The following SKAP2 variants were observed in gnomAD, a reference collection of about 807,000 sequenced individuals.
The protein encoded by SKAP2 is src kinase-associated phosphoprotein 2.
In SKAP2, 28 loss-of-function variants were observed where a neutral mutation model predicts 54.9. The observed-to-expected ratio is 0.51, with a 90% CI of 0.38 to 0.70. The LOEUF is 0.70. SKAP2 is among the 30% of genes least tolerant of loss of function. The pLI is 0.00. For missense variants in SKAP2, 356 were observed against 424.1 expected, an observed-to-expected ratio of 0.84 and a Z score of 1.41; for synonymous variants, 137 against 134.3, an observed-to-expected ratio of 1.02 and a Z score of -0.14.
At chr7:26,740,084 C>G in intron 4 of SKAP2, 120 bp from the exon 5 acceptor site, 1 of 555,260 alleles carries the variant, frequency 1.8e-6, no homozygotes, top group South Asian at 2.3e-5. Context: ...AAATCTAAGT[C>G]TATTAGCTTT....
At chr7:26,711,360 T>C (rs1787299531) in intron 9 of SKAP2, among the ~76,000 whole-genome samples, 1 of 152,208 alleles carries the variant, frequency 6.6e-6, no homozygotes, top group Admixed American at 6.5e-5. Flanking sequence ...GGGCTATTTA[T>C]TGATCATCTG....
At chr7:26,659,049 G>A in the SKAP2 span, among the ~76,000 whole-genome samples, 3 of 152,048 alleles carry the variant, frequency 2.0e-5, no homozygotes, top group African/African-American at 4.8e-5. Context: ...TTGGTGGGGC[G>A]GGGGCTTATT....
intron 4 of SKAP2, among the ~76,000 whole-genome samples, chr7:26,745,776 A>C (rs533746817): frequency 6.6e-6 from 1 of 152,334 alleles, no homozygotes; most frequent in Non-Finnish European, 1.5e-5. Context: ...TGGCCTCCCA[A>C]AGTGCTGGTA....
chr7:26,858,966 C>T (rs770580884), intron 1 of SKAP2, among the ~76,000 whole-genome samples: 5 of 152,140 alleles, frequency 3.3e-5, no homozygotes, highest in Non-Finnish European at 5.9e-5. Flanking sequence ...CCTAGTCCTC[C>T]AACCACCCAA....
In SKAP2 at chr7:26,773,498, G is replaced by A. The variant is rs962781953; in HGVS notation, c.308-33534C>T. Reference sequence around the variant, plus strand: ...TCAACAAATGCCAGTTTAATAAAGCGATTCTACAACTGGATAGCAGGATAA... The same window carrying A: ...TCAACAAATGCCAGTTTAATAAAGCAATTCTACAACTGGATAGCAGGATAA... On this transcript the variant is annotated intron_variant, in intron 4 of 12. Transcript: ENST00000345317. 7.2e-5 allele frequency among the ~76,000 whole-genome samples: 11 copies of A among 152,268 alleles called. No individual in the cohort carries two copies. In the South Asian group the frequency reaches 1.0e-3, roughly 14 times the overall value.
At chr7:26,812,445 A>C (rs908907591) in intron 4 of SKAP2, among the ~76,000 whole-genome samples, 3 of 152,110 alleles carry the variant, frequency 2.0e-5, no homozygotes, top group Non-Finnish European at 2.9e-5. Flanking sequence ...GGAAATTCTC[A>C]TATCTGTTCT....
chr7:26,723,616 T>C (rs910470262), intron 9 of SKAP2, among the ~76,000 whole-genome samples: 1 of 152,172 alleles, frequency 6.6e-6, no homozygotes, highest in African/African-American at 2.4e-5. Flanking sequence ...AGATGTTTCA[T>C]ATTTTTAAAA....
chr7:26,701,078 A>C, intron 9 of SKAP2, among the ~76,000 whole-genome samples: 1 of 152,076 alleles, frequency 6.6e-6, no homozygotes, highest in East Asian at 1.9e-4. Context: ...ACATTCCTCT[A>C]CTGTCCACTT....
chr7:26,751,107 T>C (rs1223981412), intron 4 of SKAP2, among the ~76,000 whole-genome samples: 1 of 152,200 alleles, frequency 6.6e-6, no homozygotes, highest in African/African-American at 2.4e-5. Context: ...ATCTTAAGTA[T>C]CTGAAATAGG....
chr7:26,832,929 T>C (rs913268969), intron 4 of SKAP2, among the ~76,000 whole-genome samples: 12 of 152,128 alleles, frequency 7.9e-5, no homozygotes, highest in Admixed American at 2.0e-4. Flanking sequence ...GGGTCCATCC[T>C]CAAAAGCAGC....
chr7:26,766,457 C>G (rs1783058632), intron 4 of SKAP2, among the ~76,000 whole-genome samples: 1 of 152,158 alleles, frequency 6.6e-6, no homozygotes, highest in Non-Finnish European at 1.5e-5. Context: ...TTTGAATACC[C>G]TTTATTTCTT....
chr7:26,657,504 T>G, the SKAP2 span, among the ~76,000 whole-genome samples: 2 of 152,174 alleles, frequency 1.3e-5, no homozygotes, highest in African/African-American at 2.4e-5. Context: ...GGCAAAGATG[T>G]AATTTAGCAA....
At position 26,808,043 on chromosome 7, in the gene SKAP2, G is replaced by A. The variant is rs918839917; in HGVS notation, c.307+35987C>T. On this transcript the variant is annotated intron_variant, in intron 4 of 12. Coordinates refer to ENST00000345317, the MANE Select transcript of SKAP2 (RefSeq NM_003930.5). ...TTGCAATATTCATTTTATTGCAGTG[G>A]TCTGAAACCAAACCCACAATATCTC... 2.0e-5 allele frequency among the ~76,000 whole-genome samples: 3 copies of A among 152,028 alleles called. No individual in the cohort carries two copies. The East Asian group carries it at 5.8e-4, about 29-fold the overall frequency.
In SKAP2 at chr7:26,786,839, T is replaced by G. The variant is rs148006773; in HGVS notation, c.308-46875A>C. The stretch of plus-strand genomic sequence containing the variant: ...TTATTCTACCTATAAAATTGCCCAG[T>G]TTTTTTTAAGGTTAACTTAACTCTC... On this transcript the variant is annotated intron_variant, in intron 4 of 12. Coordinates refer to ENST00000345317, the MANE Select transcript of SKAP2 (RefSeq NM_003930.5). Among the ~76,000 whole-genome samples, 443 of 152,060 alleles carry G rather than the reference T, an allele frequency of 2.9e-3. 1 individual carries two copies. The highest frequency in any genetic ancestry group is 0.01 in the African/African-American group (415 of 41,478).
chr7:26,708,984 A>C (rs1010046345), intron 9 of SKAP2, among the ~76,000 whole-genome samples: 2 of 152,182 alleles, frequency 1.3e-5, no homozygotes, highest in African/African-American at 4.8e-5. Context: ...TTGATTTATT[A>C]GAATATTAGA....
intron 11 of SKAP2, among the ~76,000 whole-genome samples, chr7:26,681,388 G>A (rs1462481709): frequency 6.6e-6 from 1 of 152,200 alleles, no homozygotes; most frequent in East Asian, 1.9e-4. Flanking sequence ...CGGTTGCGGT[G>A]AGCCGAGATC....
intron 3 of SKAP2, among the ~76,000 whole-genome samples, chr7:26,853,235 G>A (rs1229905497): frequency 6.6e-6 from 1 of 152,088 alleles, no homozygotes; most frequent in Non-Finnish European, 1.5e-5. Context: ...GCACAAATAT[G>A]ATTTACTCTG....
intron 1 of SKAP2, chr7:26,857,333 A>AAAAAAAC (rs1785190649): frequency 3.9e-6 from 1 of 257,146 alleles, no homozygotes; most frequent in Non-Finnish European, 6.0e-6. Flanking sequence ...AAAAAAAAAA[A>AAAAAAAC]AACTTTAAAC....
intron 4 of SKAP2, among the ~76,000 whole-genome samples, chr7:26,802,260 GTTT>G (rs34277928): frequency 0.31 from 39,912 of 129,426 alleles, 6,237 homozygotes; most frequent in Middle Eastern, 0.4. Flanking sequence ...AGAAAAGACA[GTTT>G]TTTTTTTTTT....
Sources: gnomAD v4.1 joint callset for allele counts (sites outside exome capture counted in the v4.1 genomes callset) on GRCh38, gnomAD v4.1.1 for gene constraint, MANE v1.5 for transcripts, NCBI Gene and HGNC (gene_info 2026-07-23, HGNC 2026-07-21) for gene names.